The following OR8B2 variants were observed in gnomAD, a reference collection of about 807,000 sequenced individuals.
The protein encoded by OR8B2 is olfactory receptor 8B2.
For synonymous variants in OR8B2, 98 were observed against 138.2 expected, an observed-to-expected ratio of 0.71 and a Z score of 2.04; for missense variants, 304 against 379.6, an observed-to-expected ratio of 0.80 and a Z score of 1.65.
At chr11:124,386,205 T>G (rs1043175929), upstream of OR8B2, among the ~76,000 whole-genome samples, 15 of 151,740 alleles carry the variant, frequency 9.9e-5, no homozygotes, top group African/African-American at 3.4e-4. Flanking sequence ...GAACACCATT[T>G]TTATTTTTAT....
chr11:124,393,639 A>G, the OR8B2 span, among the ~76,000 whole-genome samples: 6 of 152,190 alleles, frequency 3.9e-5, no homozygotes, highest in Non-Finnish European at 8.8e-5. Flanking sequence ...ATGTGGAGAA[A>G]TAGTTACACT....
the OR8B2 span, among the ~76,000 whole-genome samples, chr11:124,394,579 G>T: frequency 6.6e-6 from 1 of 152,170 alleles, no homozygotes; most frequent in Non-Finnish European, 1.5e-5. Flanking sequence ...TATCAGAAAA[G>T]ATACATGTTA....
intron 1 of OR8B2, among the ~76,000 whole-genome samples, chr11:124,383,953 G>C (rs979353196): frequency 2.0e-5 from 3 of 152,134 alleles, no homozygotes; most frequent in Non-Finnish European, 4.4e-5. Context: ...TTCCATCCTA[G>C]CTAGACAGAG....
chr11:124,395,484 A>C, the OR8B2 span: 6 of 152,370 alleles, frequency 3.9e-5, no homozygotes, highest in East Asian at 1.2e-3. Context: ...GTAGAAATAT[A>C]GTTTATTAAA....
At chr11:124,387,110 T>C (rs1329279353), upstream of OR8B2, among the ~76,000 whole-genome samples, 2 of 152,288 alleles carry the variant, frequency 1.3e-5, no homozygotes, top group African/African-American at 4.8e-5. Context: ...GGGTTGTTTG[T>C]TTTTTTCTTG....
the OR8B2 span, among the ~76,000 whole-genome samples, chr11:124,390,752 GTTTA>G: frequency 4.5e-5 from 5 of 111,410 alleles, no homozygotes; most frequent in Non-Finnish European, 9.4e-5. Flanking sequence ...TTTTAATTAA[GTTTA>G]TTTGTTTTTT....
chr11:124,387,298 A>G (rs1860718241), upstream of OR8B2, among the ~76,000 whole-genome samples: 1 of 152,186 alleles, frequency 6.6e-6, no homozygotes, highest in Non-Finnish European at 1.5e-5. Context: ...TTTTCTTGCC[A>G]TTGCTTTTGG....
chr11:124,391,210 A>G, the OR8B2 span, among the ~76,000 whole-genome samples: 13 of 152,302 alleles, frequency 8.5e-5, no homozygotes, highest in Admixed American at 6.5e-4. Context: ...TAAAAGAACT[A>G]GAAAAGCAAG....
chr11:124,386,084 G>A (rs1486824481), upstream of OR8B2, among the ~76,000 whole-genome samples: 1 of 152,138 alleles, frequency 6.6e-6, no homozygotes, highest in East Asian at 1.9e-4. Context: ...TTCTATCATA[G>A]GGTCAGATGT....
At chr11:124,394,260 AAAATAAATAAAT>A in the OR8B2 span, among the ~76,000 whole-genome samples, 285 of 149,574 alleles carry the variant, frequency 1.9e-3, 2 homozygotes, top group African/African-American at 6.5e-3. Flanking sequence ...AATAATAATA[AAAATAAATAAAT>A]AAATAAATAA....
chr11:124,396,989 A>G, the OR8B2 span: 10 of 1,613,710 alleles, frequency 6.2e-6, no homozygotes, highest in East Asian at 2.2e-5. Flanking sequence ...CCACATAGCG[A>G]TCATATGCCA....
upstream of OR8B2, among the ~76,000 whole-genome samples, chr11:124,385,774 G>A (rs1331952949): frequency 6.6e-6 from 1 of 151,588 alleles, no homozygotes; most frequent in East Asian, 1.9e-4. Context: ...GGCACTACAG[G>A]CACATGCCAC....
chr11:124,383,848 G>A (rs1046338636), intron 1 of OR8B2, among the ~76,000 whole-genome samples: 1 of 152,282 alleles, frequency 6.6e-6, no homozygotes, highest in Non-Finnish European at 1.5e-5. Flanking sequence ...AAGAATCCAT[G>A]AAGTCACCGG....
upstream of OR8B2, among the ~76,000 whole-genome samples, chr11:124,388,971 G>A (rs192298246): frequency 6.6e-6 from 1 of 151,924 alleles, no homozygotes; most frequent in African/African-American, 2.4e-5. Context: ...GATTACAGGT[G>A]CGTGCCGCCA....
At chr11:124,388,326 C>T (rs1860732831), upstream of OR8B2, among the ~76,000 whole-genome samples, 1 of 151,378 alleles carries the variant, frequency 6.6e-6, no homozygotes, top group Non-Finnish European at 1.5e-5. Context: ...GATGGCATCC[C>T]TGTCTTGTGC....
upstream of OR8B2, among the ~76,000 whole-genome samples, chr11:124,389,002 T>C (rs183253981): frequency 1.3e-5 from 2 of 152,114 alleles, no homozygotes; most frequent in Non-Finnish European, 2.9e-5. Flanking sequence ...ATTTTAGTAT[T>C]TTTAGTAGAG....
chr11:124,396,244 G>T, the OR8B2 span: 6 of 660,522 alleles, frequency 9.1e-6, no homozygotes, highest in Non-Finnish European at 1.5e-5. Flanking sequence ...AAGTGCCAGA[G>T]ATGCAAAACC....
At chr11:124,390,644 A>G in the OR8B2 span, among the ~76,000 whole-genome samples, 3 of 152,196 alleles carry the variant, frequency 2.0e-5, no homozygotes, top group Admixed American at 6.5e-5. Context: ...GAGTTGAGAT[A>G]TATATGTGGA....
At chr11:124,394,468 A>C in the OR8B2 span, among the ~76,000 whole-genome samples, 1 of 152,138 alleles carries the variant, frequency 6.6e-6, no homozygotes, top group East Asian at 1.9e-4. Context: ...CGGGATGAAA[A>C]GAGAAAGAAA....
Sources: gnomAD v4.1 joint callset for allele counts (sites outside exome capture counted in the v4.1 genomes callset) on GRCh38, gnomAD v4.1.1 for gene constraint, MANE v1.5 for transcripts, NCBI Gene and HGNC (gene_info 2026-07-23, HGNC 2026-07-21) for gene names.